Variants in ANTKMT observed in about 807,000 individuals in gnomAD.
The protein encoded by ANTKMT is adenine nucleotide translocase lysine N-methyltransferase.
ANTKMT carries 24 observed loss-of-function variants against 20.7 expected under a neutral mutation model. The ratio of observed to expected loss-of-function variants is 1.16; its 90% CI spans 0.84 to 1.63. The LOEUF is 1.63. ANTKMT is among the 40% of genes most tolerant of loss of function. The probability of loss-of-function intolerance (pLI) is 0.00; values close to 1 mark genes in which losing one functional copy is unlikely to be tolerated. For synonymous variants in ANTKMT, 193 were observed against 161.2 expected (o/e 1.20, Z -1.49); for missense variants, 428 against 334.8 (o/e 1.28, Z -2.17).
At chr16:721,978 A>T in intron 3 of ANTKMT, 37 bp downstream of exon 3, 1 of 1,558,724 alleles carries the variant, frequency 6.4e-7, no homozygotes, top group Non-Finnish European at 8.6e-7. Flanking sequence ...CTGACAGCCC[A>T]AGGTGCGGCT....
At chr16:721,746 C>A (rs777710654) in intron 2 of ANTKMT, 44 bp downstream of exon 2, 1 of 1,540,368 alleles carries the variant, frequency 6.5e-7, no homozygotes, top group Non-Finnish European at 8.8e-7. Context: ...CACCGCCCAC[C>A]TGCTGGCGGG....
intron 1 of ANTKMT, 35 bp downstream of exon 1, chr16:721,471 G>C (rs1322787503): frequency 1.5e-6 from 2 of 1,367,630 alleles, no homozygotes; most frequent in East Asian, 6.2e-5. Flanking sequence ...AGGGGAGCTC[G>C]GCTGCCGCTC....
In ANTKMT at chr16:721,314, C is replaced by G; in HGVS notation, c.40C>G (p.Arg14Gly). Residue 14 changes from arginine to glycine, a missense_variant, in exon 1 of 5, where the codon CGC becomes GGC. Transcript: ENST00000569529. ...CCCGGTCGAGGCGCTGACGGAGCTG[C>G]GCGAGCGGCGGCTGGGCGCGCTGGA... ...DDPVEALTEL[R>G]ERRLGALELL... 1 of 1,347,612 alleles carries G rather than the reference C, an allele frequency of 7.4e-7. No individual in the cohort carries two copies. The highest frequency in any genetic ancestry group is 9.5e-7 in the Non-Finnish European group (1 of 1,050,036). The allele number at this position is 1,347,612 out of a possible 1,614,324, so 83.5% of individuals were successfully genotyped here.
At position 722,510 on chromosome 16, in the gene ANTKMT, C is replaced by G. The variant is rs771745454; in HGVS notation, c.661C>G (p.Pro221Ala). The change falls in exon 5 of 5, where the codon CCT becomes GCT. Residue 221 changes from proline to alanine, a missense_variant. Coordinates refer to ENST00000569529, the MANE Select transcript of ANTKMT (RefSeq NM_023933.3). ...SRIPIQAAPG[P>A]SSAPIPGGLI... is the part of the protein sequence containing the mutation. ...GATACCCATCCAGGCTGCCCCCGGA[C>G]CTAGTTCTGCCCCCATCCCGGGGGG... is the stretch of plus-strand genomic sequence containing the variant. 1 of 1,612,118 alleles carries G rather than the reference C, an allele frequency of 6.2e-7. No homozygotes were observed. Among genetic ancestry groups the G allele is most frequent in the African/African-American group, 1.3e-5 (1 of 74,896 alleles).
chr16:721,426 T>G lies in ANTKMT; in HGVS notation c.152T>G (p.Leu51Arg). The G allele has an allele frequency of 7.7e-7, 1 of 1,298,706 alleles. No individual in the cohort carries two copies. The highest frequency in any genetic ancestry group is 9.7e-7 in the Non-Finnish European group (1 of 1,029,970). The allele number at this position is 1,298,706 out of a possible 1,614,324, so 80.4% of individuals were successfully genotyped here. The change falls in exon 1 of 5, where the codon CTG becomes CGG. Residue 51 changes from leucine (L) to arginine (R), a missense_variant. Coordinates refer to ENST00000569529, the MANE Select transcript of ANTKMT (RefSeq NM_023933.3). ...CAGCCCGGCTTCCGGCGCGTGCCGC[T>G]GCGGCTGCAGGTGCGGGGCGGGGCC... Reference protein sequence around the residue: ...LLQPGFRRVPLRLQVPYVGAS... With the variant: ...LLQPGFRRVPRRLQVPYVGAS...
At position 721,302 on chromosome 16, in the gene ANTKMT, C is replaced by G; in HGVS notation, c.28C>G (p.Leu10Val). 1 of 1,344,394 alleles carries G rather than the reference C, an allele frequency of 7.4e-7. No homozygotes were observed. The highest frequency in any genetic ancestry group is 1.7e-5 in the South Asian group (1 of 57,304). 83.3% of individuals were successfully genotyped at this position (1,344,394 alleles called of 1,614,324 possible). A position where few individuals can be genotyped will look rare whatever the true frequency, so the allele number is the denominator to read the frequency against. The change falls in exon 1 of 5, where the codon CTG (leucine) becomes GTG (valine). Residue 10 changes from leucine to valine, a missense_variant. By Grantham distance (32) the Leu-to-Val change is conservative. Coordinates refer to ENST00000569529, the MANE Select transcript of ANTKMT (RefSeq NM_023933.3). MEQDDPVEA[L>V]TELRERRLGA... The stretch of plus-strand genomic sequence containing the variant: ...GGAGCAGGACGACCCGGTCGAGGCG[C>G]TGACGGAGCTGCGCGAGCGGCGGCT...
intron 2 of ANTKMT, 41 bp downstream of exon 2, chr16:721,743 C>T: frequency 5.2e-6 from 8 of 1,540,800 alleles, no homozygotes; most frequent in Non-Finnish European, 7.0e-6. Flanking sequence ...CCACACCGCC[C>T]ACCTGCTGGC....
At position 722,066 on chromosome 16, in the gene ANTKMT, C is replaced by T. The variant is rs371524648; in HGVS notation, c.409-18C>T. On this transcript the variant is annotated intron_variant, in intron 3 of 4. Transcript: ENST00000569529. The stretch of plus-strand genomic sequence containing the variant: ...CCACCAGGCCTCTCCCCGGCCGGGG[C>T]GACTTCTCTTCCGGCAGGTGAGCCT... 6.9e-6 allele frequency: 11 copies of T among 1,597,476 alleles called. No homozygotes were observed. Among genetic ancestry groups the T allele is most frequent in the Non-Finnish European group, 9.4e-6 (11 of 1,174,950 alleles).
rs752472358 is a variant in ANTKMT, at chr16:722,483, C to A, written c.634C>A (p.Arg212=). 2 of 1,612,250 alleles carry A rather than the reference C, an allele frequency of 1.2e-6. No homozygotes were observed. Among genetic ancestry groups the A allele is most frequent in the African/African-American group, 1.3e-5 (1 of 74,912 alleles). ...GCAGGCTGGGGAGGCCGCCTCCTCG[C>A]GGATACCCATCCAGGCTGCCCCCGG... ...GGQAGEAASS[R]IPIQAAPGPS... Residue 212 remains arginine, a synonymous_variant, in exon 5 of 5, where the codon CGG becomes AGG. Transcript: ENST00000569529.
chr16:722,047 G>C, intron 3 of ANTKMT, 37 bp from the exon 4 acceptor site: 1 of 1,581,468 alleles, frequency 6.3e-7, no homozygotes, highest in Non-Finnish European at 8.6e-7. Context: ...GTGCCCACCA[G>C]GCCTCTCCCC....
At chr16:721,746 C>T (rs777710654) in intron 2 of ANTKMT, 44 bp downstream of exon 2, 1 of 1,540,368 alleles carries the variant, frequency 6.5e-7, no homozygotes, top group Non-Finnish European at 8.8e-7. Flanking sequence ...CACCGCCCAC[C>T]TGCTGGCGGG....
intron 4 of ANTKMT, 79 bp from the exon 5 acceptor site, chr16:722,230 T>G (rs766936831): frequency 1.9e-6 from 3 of 1,585,254 alleles, no homozygotes; most frequent in Middle Eastern, 3.3e-4. Flanking sequence ...GGTGCTAGGC[T>G]TGGGGCTAGG....
rs1368683421 is a variant in ANTKMT at position 721,316 on chromosome 16, C to G, written c.42C>G (p.Arg14=). The part of the protein sequence containing the change: ...DDPVEALTEL[R]ERRLGALELL... The stretch of plus-strand genomic sequence containing the variant: ...CGGTCGAGGCGCTGACGGAGCTGCG[C>G]GAGCGGCGGCTGGGCGCGCTGGAGC... The change falls in exon 1 of 5, where the codon CGC becomes CGG. Residue 14 remains arginine, a synonymous_variant. Coordinates refer to ENST00000569529, the MANE Select transcript of ANTKMT (RefSeq NM_023933.3). The G allele has an allele frequency of 7.4e-7, 1 of 1,348,582 alleles. No individual in the cohort carries two copies. The highest frequency in any genetic ancestry group is 1.7e-5 in the South Asian group (1 of 58,150). The allele number at this position is 1,348,582 out of a possible 1,614,324, so 83.5% of individuals were successfully genotyped here.
chr16:722,389 C>T lies in ANTKMT; in HGVS notation c.540C>T (p.Thr180=), dbSNP rs779995005. The T allele has an allele frequency of 3.9e-5, 63 of 1,601,778 alleles. No individual in the cohort carries two copies. In the Admixed American group the frequency reaches 1.1e-3, roughly 27 times the overall value. The stretch of plus-strand genomic sequence containing the variant: ...TGTCTGGGCGCTTCCCACTCCCCAC[C>T]TGGCAGCCTGTGACCGCGGTTGGCG... The part of the protein sequence containing the change: ...RVVSGRFPLP[T]WQPVTAVGEG... Residue 180 remains threonine (T), a synonymous_variant, in exon 5 of 5, where the codon ACC becomes ACT. Coordinates refer to ENST00000569529, the MANE Select transcript of ANTKMT (RefSeq NM_023933.3).
rs925154784 is a variant in ANTKMT at position 721,186 on chromosome 16, G to A, written c.-89G>A. The A allele has an allele frequency of 1.2e-5, 14 of 1,177,586 alleles. No individual in the cohort carries two copies. In the East Asian group the frequency reaches 3.6e-4, roughly 30 times the overall value. 72.9% of individuals were successfully genotyped at this position (1,177,586 alleles called of 1,614,324 possible). ...CGGCGGCTCCCGGCAGGAGGCAGAGGGCACACCGCCAGCCCCAGGCCAGGC... is the reference window on the plus strand; with the variant it reads ...CGGCGGCTCCCGGCAGGAGGCAGAGAGCACACCGCCAGCCCCAGGCCAGGC... On this transcript the variant is annotated 5_prime_UTR_variant, in exon 1 of 5. Coordinates refer to ENST00000569529, the MANE Select transcript of ANTKMT (RefSeq NM_023933.3).
At chr16:721,508 G>A (rs1384804399) in intron 1 of ANTKMT, 72 bp downstream of exon 1, 4 of 1,432,072 alleles carry the variant, frequency 2.8e-6, no homozygotes, top group Admixed American at 5.7e-5. Context: ...GGCGTGGCCG[G>A]GGTGAGCTCC....
At chr16:722,158 G>A in intron 4 of ANTKMT, 24 bp downstream of exon 4, 1 of 1,600,308 alleles carries the variant, frequency 6.2e-7, no homozygotes. Flanking sequence ...TGCCAGCCCC[G>A]CTGGGAAGCC....
At position 721,338 on chromosome 16, in the gene ANTKMT, G is replaced by A; in HGVS notation, c.64G>A (p.Glu22Lys). Residue 22 changes from glutamate to lysine, a missense_variant, in exon 1 of 5, where the codon GAG (glutamate) becomes AAG (lysine). By Grantham distance (56) the Glu-to-Lys change is moderately conservative. Transcript: ENST00000569529. Reference protein sequence around the residue: ...ELRERRLGALELLQAAAGSGL... With the variant: ...ELRERRLGALKLLQAAAGSGL... ...GCGCGAGCGGCGGCTGGGCGCGCTG[G>A]AGCTGCTGCAGGCGGCGGCCGGCTC... The A allele has an allele frequency of 1.5e-6, 2 of 1,349,526 alleles. No individual in the cohort carries two copies. Among genetic ancestry groups the A allele is most frequent in the South Asian group, 1.7e-5 (1 of 57,562 alleles). The allele number at this position is 1,349,526 out of a possible 1,614,324, so 83.6% of individuals were successfully genotyped here.
intron 4 of ANTKMT, 76 bp from the exon 5 acceptor site, chr16:722,233 G>C: frequency 6.3e-7 from 1 of 1,583,534 alleles, no homozygotes; most frequent in Non-Finnish European, 8.6e-7. Flanking sequence ...GCTAGGCTTG[G>C]GGCTAGGGGG....
Sources: allele counts gnomAD v4.1 joint callset, GRCh38; gene constraint gnomAD v4.1.1; transcripts MANE v1.5; gene names NCBI Gene and HGNC (gene_info 2026-07-23, HGNC 2026-07-21).